Variants in XKR9 observed in about 807,000 individuals in gnomAD.
XKR9 encodes XK-related protein 9.
In XKR9, 32 loss-of-function variants were observed where a neutral mutation model predicts 32.0. The ratio of observed to expected loss-of-function variants is 1.00; its 90% CI spans 0.76 to 1.34. The LOEUF is 1.34. XKR9 is among the 40% of genes most tolerant of loss of function. The pLI is 0.00. For missense variants in XKR9, 546 were observed against 429.7 expected (o/e 1.27, Z -2.39); for synonymous variants, 168 against 143.4 (o/e 1.17, Z -1.22).
At chr8:70,783,480 C>T (rs1399765524) in intron 2 of XKR9, among the ~76,000 whole-genome samples, 2 of 152,140 alleles carry the variant, frequency 1.3e-5, no homozygotes, top group Non-Finnish European at 2.9e-5. Flanking sequence ...CCTGCCTTGG[C>T]CCAAAGTGTG....
At chr8:70,894,152 G>A in the XKR9 span, among the ~76,000 whole-genome samples, 1 of 151,956 alleles carries the variant, frequency 6.6e-6, no homozygotes, top group African/African-American at 2.4e-5. Flanking sequence ...GATCTCAGTG[G>A]CAACTTGGGT....
chr8:70,946,885 A>T, the XKR9 span, among the ~76,000 whole-genome samples: 1 of 152,178 alleles, frequency 6.6e-6, no homozygotes, highest in Admixed American at 6.5e-5. Context: ...TGAGAATGGG[A>T]TATGGGACCA....
chr8:71,015,261 C>T, the XKR9 span, among the ~76,000 whole-genome samples: 6 of 152,074 alleles, frequency 3.9e-5, no homozygotes, highest in Admixed American at 6.5e-5. Flanking sequence ...TGTCAAAAAA[C>T]GTCTGTTTTT....
chr8:70,746,163 A>C (rs1159728588), intron 2 of XKR9, among the ~76,000 whole-genome samples: 1 of 150,824 alleles, frequency 6.6e-6, no homozygotes, highest in Non-Finnish European at 1.5e-5. Context: ...TAATAAATAT[A>C]TAATTATATG....
the XKR9 span, among the ~76,000 whole-genome samples, chr8:70,824,024 C>T: frequency 3.1e-3 from 465 of 152,176 alleles, 3 homozygotes; most frequent in African/African-American, 0.011. Context: ...ATTACCAAAG[C>T]AATTTGTAGT....
At chr8:70,700,032 A>G (rs1805459097) in intron 3 of XKR9, among the ~76,000 whole-genome samples, 4 of 152,198 alleles carry the variant, frequency 2.6e-5, no homozygotes, top group Admixed American at 2.6e-4. Context: ...TTTCAGCTCC[A>G]TCAGCTCCTT....
chr8:70,987,145 G>C, the XKR9 span, among the ~76,000 whole-genome samples: 3 of 152,088 alleles, frequency 2.0e-5, no homozygotes, highest in African/African-American at 4.8e-5. Flanking sequence ...AGATTTGGGT[G>C]GGGACACAGC....
chr8:70,827,211 G>A, the XKR9 span, among the ~76,000 whole-genome samples: 1 of 152,160 alleles, frequency 6.6e-6, no homozygotes. Context: ...ATATACACAT[G>A]CACACATACA....
chr8:70,922,887 A>G, the XKR9 span, among the ~76,000 whole-genome samples: 1 of 152,218 alleles, frequency 6.6e-6, no homozygotes, highest in East Asian at 1.9e-4. Context: ...AAAAGACTCA[A>G]AAGGGTTTAC....
At chr8:70,949,086 G>C in the XKR9 span, among the ~76,000 whole-genome samples, 3 of 152,050 alleles carry the variant, frequency 2.0e-5, no homozygotes, top group African/African-American at 7.2e-5. Context: ...GTATGGGCTG[G>C]GATGTCTCCT....
At chr8:70,848,312 C>T in the XKR9 span, among the ~76,000 whole-genome samples, 4 of 151,858 alleles carry the variant, frequency 2.6e-5, no homozygotes, top group Non-Finnish European at 5.9e-5. Flanking sequence ...AAGGAATATA[C>T]CTCAAAATAT....
At chr8:70,729,086 C>G (rs181361066) in intron 4 of XKR9, among the ~76,000 whole-genome samples, 34 of 152,280 alleles carry the variant, frequency 2.2e-4, no homozygotes, top group Admixed American at 2.0e-3. Context: ...CTCTATAAGT[C>G]AACCTCGATT....
At chr8:70,673,147 C>G (rs1818772448) in intron 1 of XKR9, among the ~76,000 whole-genome samples, 2 of 152,136 alleles carry the variant, frequency 1.3e-5, no homozygotes, top group South Asian at 4.1e-4. Flanking sequence ...AAACCAATGT[C>G]CTTATGTATT....
At chr8:70,898,536 G>A in the XKR9 span, among the ~76,000 whole-genome samples, 1 of 152,056 alleles carries the variant, frequency 6.6e-6, no homozygotes, top group Non-Finnish European at 1.5e-5. Flanking sequence ...TTTTAATTCA[G>A]TTCAAAATAT....
chr8:70,793,917 C>A (rs1444048847), downstream of XKR9, among the ~76,000 whole-genome samples: 1 of 151,952 alleles, frequency 6.6e-6, no homozygotes, highest in Non-Finnish European at 1.5e-5. Flanking sequence ...ATAGTGAGTG[C>A]ATTGAATCAC....
chr8:71,006,791 T>G, the XKR9 span, among the ~76,000 whole-genome samples: 1 of 152,296 alleles, frequency 6.6e-6, no homozygotes, highest in East Asian at 1.9e-4. Flanking sequence ...AACCCTAAAA[T>G]GGACAGTTGC....
At chr8:70,838,237 C>T in the XKR9 span, among the ~76,000 whole-genome samples, 2 of 151,992 alleles carry the variant, frequency 1.3e-5, no homozygotes, top group East Asian at 1.9e-4. Flanking sequence ...ATTTTATAAT[C>T]GTTGTCTTTT....
At chr8:70,751,459 G>T (rs1428292275) in intron 2 of XKR9, among the ~76,000 whole-genome samples, 3 of 152,128 alleles carry the variant, frequency 2.0e-5, no homozygotes, top group African/African-American at 7.2e-5. Flanking sequence ...ACTTGACTGG[G>T]TAAAGGGATA....
downstream of XKR9, among the ~76,000 whole-genome samples, chr8:70,738,948 T>C (rs1186649929): frequency 6.6e-6 from 1 of 152,204 alleles, no homozygotes; most frequent in Non-Finnish European, 1.5e-5. Flanking sequence ...TATATTCTGT[T>C]GATTTGGGGT....
Sources: allele counts gnomAD v4.1 joint callset (sites outside exome capture counted in the v4.1 genomes callset), GRCh38; gene constraint gnomAD v4.1.1; transcripts MANE v1.5; gene names NCBI Gene and HGNC (gene_info 2026-07-23, HGNC 2026-07-21).